The following CADM2 variants were observed in gnomAD, a reference collection of about 807,000 sequenced individuals.
CADM2 encodes the protein cell adhesion molecule 2, also known as immunoglobulin superfamily member 4D.
CADM2 carries 12 observed loss-of-function variants against 49.8 expected under a neutral mutation model. The observed-to-expected ratio is 0.24, with a 90% confidence interval of 0.15 to 0.39. The LOEUF (loss-of-function observed/expected upper bound fraction) is 0.39. CADM2 is among the 10% of genes least tolerant of loss of function. The pLI is 1.00. For synonymous variants in CADM2, 214 were observed against 175.4 expected (o/e 1.22, Z -1.74); for missense variants, 378 against 492.3 (o/e 0.77, Z 2.20).
chr3:85,303,577 A>G (rs897204633), intron 1 of CADM2, among the ~76,000 whole-genome samples: 12 of 151,956 alleles, frequency 7.9e-5, no homozygotes, highest in African/African-American at 2.9e-4. Context: ...TAAGAAACCA[A>G]TGTAAAATGC....
At chr3:85,880,553 G>C (rs1447605628) in intron 3 of CADM2, among the ~76,000 whole-genome samples, 4 of 152,062 alleles carry the variant, frequency 2.6e-5, no homozygotes, top group South Asian at 2.1e-4. Context: ...ATTCCTAAAG[G>C]ATAGTTTTAC....
intron 1 of CADM2, among the ~76,000 whole-genome samples, chr3:85,579,299 A>T (rs1445816013): frequency 1.3e-5 from 2 of 152,064 alleles, no homozygotes; most frequent in Non-Finnish European, 2.9e-5. Flanking sequence ...ATTGAATCCC[A>T]GGTATCCATT....
chr3:85,363,243 G>A (rs1046279198), intron 1 of CADM2, among the ~76,000 whole-genome samples: 3 of 152,110 alleles, frequency 2.0e-5, no homozygotes, highest in Non-Finnish European at 2.9e-5. Flanking sequence ...CATAGTGTGC[G>A]TATACTGAGA....
At chr3:85,906,251 C>T (rs1314475456) in intron 5 of CADM2, among the ~76,000 whole-genome samples, 4 of 152,092 alleles carry the variant, frequency 2.6e-5, no homozygotes, top group Non-Finnish European at 5.9e-5. Context: ...CCTGAGGCTT[C>T]GAGTCAGGTA....
At chr3:85,883,172 T>C (rs1487846933) in intron 3 of CADM2, 119 bp from the exon 4 acceptor site, 5 of 735,766 alleles carry the variant, frequency 6.8e-6, no homozygotes, top group Non-Finnish European at 1.0e-5. Context: ...TTCCAAGAAA[T>C]AAGATTTGAA....
chr3:85,813,060 T>C (rs2072982453), intron 3 of CADM2, among the ~76,000 whole-genome samples: 2 of 152,218 alleles, frequency 1.3e-5, no homozygotes, highest in African/African-American at 4.8e-5. Flanking sequence ...TTTGGGTATA[T>C]ACTCAGTAAT....
At chr3:85,191,944 G>GTT (rs2041218639) in intron 1 of CADM2, among the ~76,000 whole-genome samples, 2 of 105,172 alleles carry the variant, frequency 1.9e-5, no homozygotes, top group Non-Finnish European at 3.6e-5. Flanking sequence ...AGATGAAACA[G>GTT]TTGTGTGTGT....
intron 1 of CADM2, among the ~76,000 whole-genome samples, chr3:85,081,240 A>C (rs2107500395): frequency 6.6e-6 from 1 of 152,268 alleles, no homozygotes. Context: ...TTCATCAGAC[A>C]AATACGCATT....
intron 1 of CADM2, among the ~76,000 whole-genome samples, chr3:85,561,416 A>G (rs2062091854): frequency 6.6e-6 from 1 of 152,220 alleles, no homozygotes; most frequent in African/African-American, 2.4e-5. Flanking sequence ...CTTGGAATAA[A>G]GGGAATTAAT....
At chr3:85,332,455 T>C (rs1219595264) in intron 1 of CADM2, among the ~76,000 whole-genome samples, 1 of 151,986 alleles carries the variant, frequency 6.6e-6, no homozygotes, top group African/African-American at 2.4e-5. Context: ...AAAATAGTGA[T>C]GGCACAGATT....
intron 1 of CADM2, among the ~76,000 whole-genome samples, chr3:85,426,769 G>C (rs2036426778): frequency 6.6e-6 from 1 of 152,086 alleles, no homozygotes; most frequent in African/African-American, 2.4e-5. Flanking sequence ...CTGTAAAGTA[G>C]AGGAAGTCTG....
chr3:85,437,782 C>T (rs867493890), intron 1 of CADM2, among the ~76,000 whole-genome samples: 1 of 151,990 alleles, frequency 6.6e-6, no homozygotes, highest in Non-Finnish European at 1.5e-5. Flanking sequence ...ATTTATTGTT[C>T]CTTTTTTCTA....
chr3:85,852,457 C>T (rs2075146099), intron 3 of CADM2, among the ~76,000 whole-genome samples: 1 of 152,048 alleles, frequency 6.6e-6, no homozygotes, highest in African/African-American at 2.4e-5. Flanking sequence ...AATAAATACT[C>T]ATTGATTCAT....
intron 8 of CADM2, among the ~76,000 whole-genome samples, chr3:85,999,464 C>T (rs1465549765): frequency 2.0e-5 from 3 of 151,250 alleles, no homozygotes; most frequent in Non-Finnish European, 4.4e-5. Context: ...CAGATAGTGC[C>T]ACTGCACTCC....
chr3:85,109,354 A>G (rs960356168), intron 1 of CADM2, among the ~76,000 whole-genome samples: 3 of 151,978 alleles, frequency 2.0e-5, no homozygotes, highest in African/African-American at 7.2e-5. Context: ...ACATAAACAT[A>G]GAGAAAGAGA....
At chr3:85,446,277 T>C (rs2107554645) in intron 1 of CADM2, among the ~76,000 whole-genome samples, 1 of 152,288 alleles carries the variant, frequency 6.6e-6, no homozygotes, top group Middle Eastern at 3.4e-3. Context: ...TGAGCCTGGG[T>C]ATTAATTTAA....
At chr3:85,935,684 G>T in intron 6 of CADM2, 83 bp from the exon 7 acceptor site, 1 of 609,724 alleles carries the variant, frequency 1.6e-6, no homozygotes, top group South Asian at 3.2e-5. Context: ...AAGAAATGCT[G>T]AACACACAGC....
chr3:85,293,056 A>C (rs1421520151), intron 1 of CADM2, among the ~76,000 whole-genome samples: 1 of 152,090 alleles, frequency 6.6e-6, no homozygotes, highest in Non-Finnish European at 1.5e-5. Flanking sequence ...GACTAAGAGA[A>C]AAAAAGAGAG....
intron 1 of CADM2, among the ~76,000 whole-genome samples, chr3:85,527,498 A>G (rs7628237): frequency 0.5 from 72,670 of 144,482 alleles, 21,574 homozygotes; most frequent in East Asian, 0.85. Context: ...TGAATAAGTG[A>G]AATTCATTTT....
Sources: allele counts gnomAD v4.1 joint callset (sites outside exome capture counted in the v4.1 genomes callset), GRCh38; gene constraint gnomAD v4.1.1; transcripts MANE v1.5; gene names NCBI Gene and HGNC (gene_info 2026-07-23, HGNC 2026-07-21).